The following USP24 variants were observed in gnomAD, a reference collection of about 807,000 sequenced individuals.
USP24 encodes the protein ubiquitin specific peptidase 24, also known as ubiquitin carboxyl-terminal hydrolase 24.
USP24 carries 97 observed loss-of-function variants against 361.6 expected under a neutral mutation model. That is an observed-to-expected ratio of 0.27 (90% CI 0.23 to 0.32). The LOEUF is 0.32. Among genes scored for constraint, USP24 ranks in the 10% least tolerant of loss-of-function variants. The pLI, the probability that USP24 is intolerant of heterozygous loss-of-function variation, is 1.00. For missense variants in USP24, 2,353 were observed against 3,165.6 expected (o/e 0.74, Z 6.16); for synonymous variants, 1,098 against 1,124.6 (o/e 0.98, Z 0.47).
Position 55,134,384 on chromosome 1 carries a change from A to C in USP24, c.3231T>G (p.Ala1077=), listed in dbSNP as rs1646675977. The change falls in exon 29 of 68, where the codon GCT becomes GCG. Residue 1077 remains alanine, a synonymous_variant. Transcript: ENST00000294383. ...GCATGTCAAATACGTTACATACGAG[A>C]GCCATCACTACACCAGGGAGGGATT... is the stretch of plus-strand genomic sequence containing the variant. ...QEKSLPGVVM[A]LVCNVFDMLY... 6.2e-7 allele frequency: 1 copy of C among 1,612,604 alleles called. No homozygotes were observed. Among genetic ancestry groups the C allele is most frequent in the African/African-American group, 1.3e-5 (1 of 74,934 alleles).
rs1644926380 is a variant in USP24 at position 55,071,841 on chromosome 1, A to G, written c.7773T>C (p.Asn2591=). Residue 2591 remains asparagine, a synonymous_variant, in exon 67 of 68, where the codon AAT becomes AAC. Transcript: ENST00000294383. ...GCTGTAGATGCCTGTCTCCGTTCTC[A>G]TTGGCAGGACTACTCTCCGACCCAT... ...SSNGSESSPA[N]ENGDRHLQQG... 6.2e-7 allele frequency: 1 copy of G among 1,613,270 alleles called. No homozygotes were observed. The highest frequency in any genetic ancestry group is 8.5e-7 in the Non-Finnish European group (1 of 1,179,748).
At position 55,098,504 on chromosome 1, in the gene USP24, G is replaced by C. The variant is rs1302974501; in HGVS notation, c.5425C>G (p.Gln1809Glu). ...KNTFQGIYSDQKICKDCPHRY... is the reference protein window; with the variant it reads ...KNTFQGIYSDEKICKDCPHRY... Reference sequence around the variant, plus strand: ...TGAGGACAGTCTTTACAGATCTTCTGATCAGAGTAGATGCCCTGAAATGTA... The same window carrying C: ...TGAGGACAGTCTTTACAGATCTTCTCATCAGAGTAGATGCCCTGAAATGTA... Residue 1809 changes from glutamine to glutamate, a missense_variant, in exon 46 of 68, where the codon CAG becomes GAG. This residue lies in a region of USP24 where 105 missense variants were observed against 200.3 expected (regional missense o/e 0.52). Coordinates refer to ENST00000294383, the MANE Select transcript of USP24 (RefSeq NM_015306.3). 6.2e-7 allele frequency: 1 copy of C among 1,612,908 alleles called. No homozygotes were observed. The highest frequency in any genetic ancestry group is 8.5e-7 in the Non-Finnish European group (1 of 1,179,360).
At chr1:55,160,712 AT>A (rs1378134927) in intron 8 of USP24, among the ~76,000 whole-genome samples, 1 of 152,230 alleles carries the variant, frequency 6.6e-6, no homozygotes, top group Non-Finnish European at 1.5e-5. Flanking sequence ...CTGTTTACAT[AT>A]ATAAAATCTG....
intron 16 of USP24, among the ~76,000 whole-genome samples, chr1:55,151,665 A>G (rs1268195779): frequency 6.6e-6 from 1 of 152,196 alleles, no homozygotes; most frequent in Admixed American, 6.5e-5. Context: ...GAAGTGACAT[A>G]AGAGGGAAGG....
intron 1 of USP24, among the ~76,000 whole-genome samples, chr1:55,181,030 C>G (rs1317326764): frequency 6.6e-6 from 1 of 151,744 alleles, no homozygotes; most frequent in Admixed American, 6.6e-5. Context: ...CCCAAATTGC[C>G]TAATACGCAC....
Position 55,068,954 on chromosome 1 carries a change from G to C in USP24, c.*91C>G. 1.4e-6 allele frequency: 2 copies of C among 1,382,270 alleles called. No homozygotes were observed. Among genetic ancestry groups the C allele is most frequent in the Non-Finnish European group, 2.0e-6 (2 of 976,892 alleles). The allele number at this position is 1,382,270 out of a possible 1,614,324, so 85.6% of individuals were successfully genotyped here. A position where few individuals can be genotyped will look rare whatever the true frequency, so the allele number is the denominator to read the frequency against. On this transcript the variant is annotated 3_prime_UTR_variant, in exon 68 of 68. Transcript: ENST00000294383. The stretch of plus-strand genomic sequence containing the variant: ...AGCAGCTTTCCCAGTCCAATCTCCA[G>C]GCTCTTCCAAAGGGTTCGAGATTCT...
chr1:55,072,446 G>A, intron 65 of USP24, 43 bp from the exon 66 acceptor site: 1 of 1,494,396 alleles, frequency 6.7e-7, no homozygotes, highest in Non-Finnish European at 9.2e-7. Flanking sequence ...TGACAAATAA[G>A]CCCCCATGGG....
intron 32 of USP24, 57 bp downstream of exon 32, chr1:55,129,420 C>T: frequency 1.4e-6 from 2 of 1,457,428 alleles, no homozygotes; most frequent in Non-Finnish European, 1.9e-6. Context: ...GGGAAATTAA[C>T]TAAAATAACT....
At chr1:55,143,650 A>C (rs942278567) in intron 21 of USP24, among the ~76,000 whole-genome samples, 1 of 151,308 alleles carries the variant, frequency 6.6e-6, no homozygotes, top group Non-Finnish European at 1.5e-5. Flanking sequence ...TTTTTAAAGG[A>C]GCATGTGTAA....
At chr1:55,165,631 C>A in intron 7 of USP24, among the ~76,000 whole-genome samples, 1 of 151,992 alleles carries the variant, frequency 6.6e-6, no homozygotes, top group East Asian at 1.9e-4. Context: ...AAGATAATTT[C>A]ATGTAACCAT....
chr1:55,123,393 A>T, intron 36 of USP24, 54 bp downstream of exon 36: 1 of 1,453,816 alleles, frequency 6.9e-7, no homozygotes, highest in South Asian at 1.6e-5. Flanking sequence ...AATTCCCAAC[A>T]GAAACTTGGC....
chr1:55,159,415 C>T (rs1212638558), intron 9 of USP24, among the ~76,000 whole-genome samples, 196 bp downstream of exon 9: 4 of 152,198 alleles, frequency 2.6e-5, no homozygotes, highest in Non-Finnish European at 5.9e-5. Context: ...ACTGTATTAA[C>T]TCTATTGACT....
At chr1:55,179,714 A>G (rs763926885) in intron 1 of USP24, among the ~76,000 whole-genome samples, 7 of 151,674 alleles carry the variant, frequency 4.6e-5, no homozygotes, top group Non-Finnish European at 1.0e-4. Context: ...TTTCTCTCCA[A>G]TTCCATTCTT....
At chr1:55,166,506 T>C (rs1004788517) in intron 6 of USP24, 62 bp downstream of exon 6, 6 of 1,459,604 alleles carry the variant, frequency 4.1e-6, no homozygotes, top group Non-Finnish European at 5.6e-6. Flanking sequence ...TACCAAACTC[T>C]AGGACGTCTC....
chr1:55,175,822 T>C (rs147087073), intron 3 of USP24, among the ~76,000 whole-genome samples: 1 of 152,300 alleles, frequency 6.6e-6, no homozygotes, highest in East Asian at 1.9e-4. Context: ...CCCATTCCCA[T>C]TGTTAAGAAA....
Position 55,072,795 on chromosome 1 carries a change from T to C in USP24, c.7593A>G (p.Leu2531=), listed in dbSNP as rs1181810470. 7 of 1,601,936 alleles carry C rather than the reference T, an allele frequency of 4.4e-6. No individual in the cohort carries two copies. Among genetic ancestry groups the C allele is most frequent in the Non-Finnish European group, 6.0e-6 (7 of 1,173,970 alleles). Residue 2531 remains leucine (L), a synonymous_variant, in exon 65 of 68, where the codon CTA becomes CTG. Coordinates refer to ENST00000294383, the MANE Select transcript of USP24 (RefSeq NM_015306.3). ...TTCAATGTTCAGTTACCTTCTTCTG[T>C]AGCCACTGCACAGCCCAGCTCCAGT... ...SHHWSWAVQW[L]QKKMSEHYWT...
At position 55,209,081 on chromosome 1, in the gene USP24, A is replaced by G. The variant is rs1569832255; in HGVS notation, c.324+5709T>C. Among the ~76,000 whole-genome samples, 3 of 152,302 alleles carry G rather than the reference A, an allele frequency of 2.0e-5. No homozygotes were observed. The South Asian group carries it at 6.2e-4, about 32-fold the overall frequency. On this transcript the variant is annotated intron_variant, in intron 1 of 67. Coordinates refer to ENST00000294383, the MANE Select transcript of USP24 (RefSeq NM_015306.3). ...CTATGATAAAGAAAATGAAAAATAC[A>G]AGCTTAAAAAAGGAAGTAAAACTCC... is the stretch of plus-strand genomic sequence containing the variant.
rs566582218 is a variant in USP24 at position 55,197,140 on chromosome 1, C to A, written c.324+17650G>T. Among the ~76,000 whole-genome samples, 6 of 152,288 alleles carry A rather than the reference C, an allele frequency of 3.9e-5. 1 individual carries two copies. In the South Asian group the frequency reaches 1.0e-3, roughly 26 times the overall value. On this transcript the variant is annotated intron_variant, in intron 1 of 67. Transcript: ENST00000294383. ...TTTAGAATGCCGTTCCCTCAGATAA[C>A]CACAGTTGGCTTCACCTTCTTCAGG... is the stretch of plus-strand genomic sequence containing the variant.
chr1:55,120,617 A>G lies in USP24; in HGVS notation c.4487T>C (p.Ile1496Thr), dbSNP rs1646252368. The change falls in exon 38 of 68, where the codon ATT becomes ACT. Residue 1496 changes from isoleucine to threonine, a missense_variant. Around this residue, in one of 8 missense-constraint regions of USP24, gnomAD observed 949 missense variants for 1,280.5 expected, o/e 0.74. Coordinates refer to ENST00000294383, the MANE Select transcript of USP24 (RefSeq NM_015306.3). ...AQLPLWSPTS[I>T]MRGVNQRLLS... ...CTACCTCTGATTGACTCCTCTCATA[A>G]TACTAGTTGGAGACCAGAGAGGCAG... The G allele has an allele frequency of 6.4e-7, 1 of 1,555,668 alleles. No homozygotes were observed. The highest frequency in any genetic ancestry group is 1.7e-4 in the Middle Eastern group (1 of 5,970).
Sources: gnomAD v4.1 joint callset for allele counts (sites outside exome capture counted in the v4.1 genomes callset) on GRCh38, gnomAD v4.1.1 for gene constraint, gnomAD v4.1.1 regional missense constraint, MANE v1.5 for transcripts, NCBI Gene and HGNC (gene_info 2026-07-23, HGNC 2026-07-21) for gene names.